The following C1GALT1 variants were observed in gnomAD, a reference collection of about 807,000 sequenced individuals.
C1GALT1 encodes glycoprotein-N-acetylgalactosamine 3-beta-galactosyltransferase 1.
A neutral mutation model predicts 31.0 loss-of-function variants in C1GALT1; 11 were observed. The observed-to-expected ratio is 0.36, with a 90% CI of 0.22 to 0.59. The LOEUF (loss-of-function observed/expected upper bound fraction) is 0.59, where lower values mean the gene tolerates loss of function less well. Among genes scored for constraint, C1GALT1 ranks in the 20% least tolerant of loss-of-function variants. C1GALT1 has a pLI of 0.79. For synonymous variants in C1GALT1, 175 were observed against 143.6 expected, an observed-to-expected ratio of 1.22 and a Z score of -1.56; for missense variants, 424 against 425.2, an observed-to-expected ratio of 1.00 and a Z score of 0.03.
At chr7:7,210,818 A>C (rs7780273) in intron 1 of C1GALT1, among the ~76,000 whole-genome samples, 67,073 of 152,090 alleles carry the variant, frequency 0.44, 15,592 homozygotes, top group East Asian at 0.79. Flanking sequence ...TAATGGCCTA[A>C]ATTTGCATAT....
At chr7:7,181,969 C>T (rs1191515188), upstream of C1GALT1, among the ~76,000 whole-genome samples, 2 of 152,200 alleles carry the variant, frequency 1.3e-5, no homozygotes, top group East Asian at 3.8e-4. Context: ...CATTGCCCCA[C>T]AGAACCGAAG....
At chr7:7,241,120 T>G (rs1423435948) in intron 3 of C1GALT1, among the ~76,000 whole-genome samples, 1 of 148,728 alleles carries the variant, frequency 6.7e-6, no homozygotes, top group African/African-American at 2.5e-5. Flanking sequence ...TCTCTCTACA[T>G]GAAAAATTGA....
intron 1 of C1GALT1, chr7:7,209,714 G>A (rs927808414): frequency 1.3e-5 from 2 of 152,146 alleles, no homozygotes; most frequent in Non-Finnish European, 2.9e-5. Context: ...TCCCAACCTT[G>A]GGTATTGTAG....
chr7:7,212,399 A>T (rs904810071), intron 1 of C1GALT1, among the ~76,000 whole-genome samples: 2 of 152,180 alleles, frequency 1.3e-5, no homozygotes, highest in Non-Finnish European at 2.9e-5. Flanking sequence ...AGTTTTTCCA[A>T]TTGTGTCCTG....
intron 1 of C1GALT1, among the ~76,000 whole-genome samples, chr7:7,219,943 G>A (rs1782433091): frequency 6.6e-6 from 1 of 151,864 alleles, no homozygotes; most frequent in Admixed American, 6.6e-5. Flanking sequence ...CTACTTAGTG[G>A]GTATATCTTA....
At chr7:7,208,543 A>C (rs1192956261) in intron 1 of C1GALT1, among the ~76,000 whole-genome samples, 2 of 152,218 alleles carry the variant, frequency 1.3e-5, no homozygotes, top group Non-Finnish European at 2.9e-5. Context: ...GCTCCTAAAA[A>C]AAAAGGAAAA....
intron 2 of C1GALT1, among the ~76,000 whole-genome samples, chr7:7,168,966 C>G (rs1028943046): frequency 2.0e-5 from 3 of 152,336 alleles, no homozygotes; most frequent in African/African-American, 7.2e-5. Flanking sequence ...CCACCACTAT[C>G]TGTTAATGAA....
intron 2 of C1GALT1, among the ~76,000 whole-genome samples, chr7:7,170,691 A>G (rs547529969): frequency 4.6e-5 from 7 of 152,318 alleles, no homozygotes; most frequent in Admixed American, 3.9e-4. Flanking sequence ...GCTGAGGAAG[A>G]GAATCACTTG....
At chr7:7,232,832 G>C (rs55850740) in intron 1 of C1GALT1, among the ~76,000 whole-genome samples, 5,226 of 152,000 alleles carry the variant, frequency 0.034, 270 homozygotes, top group African/African-American at 0.12. Context: ...TTCAAACTGT[G>C]GCTCCTTCTG....
At chr7:7,234,274 T>C in intron 1 of C1GALT1, 29 bp from the exon 2 acceptor site, 1 of 1,535,788 alleles carries the variant, frequency 6.5e-7, no homozygotes, top group Non-Finnish European at 9.0e-7. Context: ...TTTGATTTTA[T>C]AACATCCTGC....
At chr7:7,204,107 T>TTG (rs1554292227) in intron 1 of C1GALT1, among the ~76,000 whole-genome samples, 46 of 150,618 alleles carry the variant, frequency 3.1e-4, no homozygotes, top group African/African-American at 1.0e-3. Context: ...GTTTTTTTTT[T>TTG]TTTGTTTTTT....
chr7:7,202,762 CATT>C (rs1391078812), intron 1 of C1GALT1, among the ~76,000 whole-genome samples: 2 of 152,156 alleles, frequency 1.3e-5, no homozygotes. Flanking sequence ...CTGCAGAAAG[CATT>C]GTTGGGATTT....
At chr7:7,157,865 A>T (rs1250708770) in intron 2 of C1GALT1, among the ~76,000 whole-genome samples, 1 of 152,054 alleles carries the variant, frequency 6.6e-6, no homozygotes, top group Non-Finnish European at 1.5e-5. Flanking sequence ...TTAAAATCAG[A>T]CTTTATTTGA....
At chr7:7,159,808 G>A (rs983797734) in intron 2 of C1GALT1, among the ~76,000 whole-genome samples, 1 of 152,048 alleles carries the variant, frequency 6.6e-6, no homozygotes, top group African/African-American at 2.4e-5. Flanking sequence ...TTCAAAGAGG[G>A]CATTTTCCTA....
At position 7,239,702 on chromosome 7, in the gene C1GALT1, C is replaced by T. The variant is rs1583837992; in HGVS notation, c.888+780C>T. 4.6e-5 allele frequency among the ~76,000 whole-genome samples: 7 copies of T among 152,078 alleles called. No homozygotes were observed. The East Asian group carries it at 9.6e-4, about 21-fold the overall frequency. Reference sequence around the variant, plus strand: ...AAGTGCATTATTTTAGGAAGTATTCCAGTAGTACAAATATTTCAGAATATA... The same window carrying T: ...AAGTGCATTATTTTAGGAAGTATTCTAGTAGTACAAATATTTCAGAATATA... On this transcript the variant is annotated intron_variant, in intron 3 of 3. Coordinates refer to ENST00000436587, the MANE Select transcript of C1GALT1 (RefSeq NM_020156.5).
At chr7:7,183,785 C>T (rs59076890) in intron 1 of C1GALT1, among the ~76,000 whole-genome samples, 31,593 of 151,288 alleles carry the variant, frequency 0.21, 4,094 homozygotes, top group East Asian at 0.37. Context: ...ATTGTACATA[C>T]TACTGTATTT....
chr7:7,218,257 C>T (rs1313882403), intron 1 of C1GALT1, among the ~76,000 whole-genome samples: 1 of 152,062 alleles, frequency 6.6e-6, no homozygotes, highest in Non-Finnish European at 1.5e-5. Flanking sequence ...GAGAAAGGCT[C>T]AGTGTAGGCT....
chr7:7,195,104 T>C (rs536568185), intron 1 of C1GALT1, among the ~76,000 whole-genome samples: 1 of 152,332 alleles, frequency 6.6e-6, no homozygotes, highest in East Asian at 1.9e-4. Flanking sequence ...GTTTATCTTT[T>C]CAAAGAACCA....
intron 1 of C1GALT1, among the ~76,000 whole-genome samples, chr7:7,193,218 C>G (rs545850417): frequency 2.6e-5 from 4 of 152,276 alleles, no homozygotes; most frequent in African/African-American, 7.2e-5. Context: ...GTCAGGAAGT[C>G]TTTGCCTAAG....
Sources: gnomAD v4.1 joint callset for allele counts (sites outside exome capture counted in the v4.1 genomes callset) on GRCh38, gnomAD v4.1.1 for gene constraint, MANE v1.5 for transcripts, NCBI Gene and HGNC (gene_info 2026-07-23, HGNC 2026-07-21) for gene names.